The following CCAR1 variants were observed in gnomAD, a reference collection of about 807,000 sequenced individuals.
CCAR1 encodes the protein cell division cycle and apoptosis regulator 1.
Under a neutral mutation model 163.8 loss-of-function variants are expected in CCAR1, and 78 were observed. That is an observed-to-expected ratio of 0.48 (90% CI 0.40 to 0.57). CCAR1 has a LOEUF of 0.57. Ranked by LOEUF, CCAR1 falls within the 20% of genes least tolerant of loss-of-function variation. The pLI is 0.00. For synonymous variants in CCAR1, 443 were observed against 460.7 expected, an observed-to-expected ratio of 0.96 and a Z score of 0.49; for missense variants, 1,019 against 1,365.2, an observed-to-expected ratio of 0.75 and a Z score of 4.00.
chr10:68,727,218 G>A (rs534570979), intron 2 of CCAR1, among the ~76,000 whole-genome samples: 10 of 151,378 alleles, frequency 6.6e-5, no homozygotes, highest in East Asian at 4.0e-4. Flanking sequence ...CTACAGGCGC[G>A]TGCCACCACT....
rs781049244 is a variant in CCAR1, at chr10:68,791,253, G to A, written c.3440G>A (p.Gly1147Asp). The A allele has an allele frequency of 5.0e-6, 8 of 1,598,968 alleles. No individual in the cohort carries two copies. In the Admixed American group the frequency reaches 1.3e-4, roughly 27 times the overall value. Residue 1147 changes from glycine to aspartate, a missense_variant, in exon 25 of 25, where the codon GGT becomes GAT. Coordinates refer to ENST00000265872, the MANE Select transcript of CCAR1 (RefSeq NM_018237.4). Reference sequence around the variant, plus strand: ...AAAGATCAAAAATCCAAGGAGAATGGTGCCAGTGTATGATAAAATCCATGT... The same window carrying A: ...AAAGATCAAAAATCCAAGGAGAATGATGCCAGTGTATGATAAAATCCATGT... Reference protein sequence around the residue: ...EDKDQKSKENGASV With the variant: ...EDKDQKSKENDASV
chr10:68,721,747 G>A, intron 1 of CCAR1: 1 of 322,780 alleles, frequency 3.1e-6, no homozygotes, highest in Non-Finnish European at 6.2e-6. Context: ...CCGGCGGCCG[G>A]CACGGAGCTG....
chr10:68,758,710 T>A (rs1443150729), intron 15 of CCAR1, among the ~76,000 whole-genome samples: 1 of 142,462 alleles, frequency 7.0e-6, no homozygotes, highest in African/African-American at 2.8e-5. Context: ...TGAGACAGAG[T>A]CTTGCTTTGT....
At chr10:68,777,678 C>T (rs540890336) in intron 19 of CCAR1, among the ~76,000 whole-genome samples, 39 of 145,754 alleles carry the variant, frequency 2.7e-4, no homozygotes, top group Non-Finnish European at 3.6e-4. Flanking sequence ...AGCAAGACTC[C>T]GTCTCAAAAA....
chr10:68,749,774 T>C (rs1411645317), intron 10 of CCAR1, 89 bp downstream of exon 10: 13 of 1,155,554 alleles, frequency 1.1e-5, no homozygotes, highest in Admixed American at 2.1e-5. Flanking sequence ...TCTTGCAAGA[T>C]TGATTTCCCG....
chr10:68,789,615 C>T, intron 23 of CCAR1, 95 bp from the exon 24 acceptor site: 2 of 715,690 alleles, frequency 2.8e-6, no homozygotes, highest in Non-Finnish European at 4.6e-6. Flanking sequence ...GGAATTCTAT[C>T]AGCTTTTTAT....
chr10:68,731,285 T>G (rs1476776594), intron 2 of CCAR1, among the ~76,000 whole-genome samples: 1 of 152,200 alleles, frequency 6.6e-6, no homozygotes, highest in Non-Finnish European at 1.5e-5. Flanking sequence ...TTCTAATAAT[T>G]CACATTGAGT....
chr10:68,764,988 G>A (rs1247531999), intron 16 of CCAR1, among the ~76,000 whole-genome samples: 1 of 152,112 alleles, frequency 6.6e-6, no homozygotes, highest in East Asian at 1.9e-4. Flanking sequence ...AATTTAGATT[G>A]TCCGAATTTT....
intron 10 of CCAR1, among the ~76,000 whole-genome samples, chr10:68,751,920 GT>G (rs1161207615): frequency 3.4e-4 from 44 of 128,926 alleles, no homozygotes; most frequent in Admixed American, 7.1e-4. Context: ...TTTTGTTTTT[GT>G]TTTTTTTTTT....
At chr10:68,761,701 C>T (rs1420993978) in intron 16 of CCAR1, among the ~76,000 whole-genome samples, 1 of 152,054 alleles carries the variant, frequency 6.6e-6, no homozygotes, top group Non-Finnish European at 1.5e-5. Flanking sequence ...CTCCCAGGTT[C>T]AAGCAATTCT....
intron 15 of CCAR1, among the ~76,000 whole-genome samples, chr10:68,758,065 A>G (rs548490462): frequency 3.3e-5 from 5 of 151,948 alleles, no homozygotes; most frequent in African/African-American, 1.2e-4. Context: ...AAAATAGAAT[A>G]TTTTTTTGAG....
At chr10:68,783,801 A>G (rs1442970090) in intron 19 of CCAR1, among the ~76,000 whole-genome samples, 2 of 151,662 alleles carry the variant, frequency 1.3e-5, no homozygotes, top group African/African-American at 2.4e-5. Context: ...TCTGTCGCCC[A>G]GGCTAGAGTG....
intron 23 of CCAR1, 34 bp from the exon 24 acceptor site, chr10:68,789,676 A>C (rs2056832276): frequency 8.0e-7 from 1 of 1,244,320 alleles, no homozygotes; most frequent in Non-Finnish European, 1.1e-6. Flanking sequence ...AATTTTAGGA[A>C]GTAAAATGTT....
At chr10:68,758,826 C>A (rs1284816263) in intron 15 of CCAR1, among the ~76,000 whole-genome samples, 1 of 151,612 alleles carries the variant, frequency 6.6e-6, no homozygotes, top group Non-Finnish European at 1.5e-5. Context: ...GCCTGTGCCA[C>A]CATGCCTGAC....
chr10:68,781,671 A>G (rs1048627753), intron 19 of CCAR1, among the ~76,000 whole-genome samples: 12 of 152,110 alleles, frequency 7.9e-5, no homozygotes, highest in Non-Finnish European at 1.3e-4. Flanking sequence ...CATCTGCAAC[A>G]TAGTGATACC....
At chr10:68,751,767 G>A (rs1380865355) in intron 10 of CCAR1, among the ~76,000 whole-genome samples, 2 of 151,696 alleles carry the variant, frequency 1.3e-5, no homozygotes, top group Non-Finnish European at 2.9e-5. Flanking sequence ...GGGAGGCTGA[G>A]GCAGGAGAAT....
chr10:68,731,115 T>C (rs1024612275), intron 2 of CCAR1, among the ~76,000 whole-genome samples: 3 of 152,206 alleles, frequency 2.0e-5, no homozygotes, highest in Non-Finnish European at 2.9e-5. Context: ...GACAATCATA[T>C]TGAATGAGGT....
chr10:68,743,279 C>T (rs1363937499), intron 6 of CCAR1, among the ~76,000 whole-genome samples: 1 of 151,664 alleles, frequency 6.6e-6, no homozygotes, highest in Non-Finnish European at 1.5e-5. Flanking sequence ...TCACGGCAAC[C>T]TCCACCTCCC....
At position 68,754,048 on chromosome 10, in the gene CCAR1, C is replaced by A; in HGVS notation, c.1315C>A (p.Pro439Thr). ...AAAAAATATGGCCATTCTTGATCCA[C>A]CAGATGCTGACCACTTATACAGTGC... ...LEKNMAILDPPDADHLYSAKV... is the reference protein window; with the variant it reads ...LEKNMAILDPTDADHLYSAKV... Residue 439 changes from proline (P) to threonine (T), a missense_variant, in exon 11 of 25, where the codon CCA becomes ACA. By Grantham distance (38) the Pro-to-Thr change is conservative. Transcript: ENST00000265872. 1 of 1,613,448 alleles carries A rather than the reference C, an allele frequency of 6.2e-7. No individual in the cohort carries two copies. The highest frequency in any genetic ancestry group is 8.5e-7 in the Non-Finnish European group (1 of 1,179,438).
Sources: allele counts gnomAD v4.1 joint callset (sites outside exome capture counted in the v4.1 genomes callset), GRCh38; gene constraint gnomAD v4.1.1; transcripts MANE v1.5; gene names NCBI Gene and HGNC (gene_info 2026-07-23, HGNC 2026-07-21).